POLI: variants seen among roughly 807,000 people sequenced by gnomAD.
The protein encoded by POLI is RAD30 homolog B.
A neutral mutation model predicts 51.6 loss-of-function variants in POLI; 58 were observed. The observed-to-expected ratio is 1.12, with a 90% CI of 0.91 to 1.40. The LOEUF is 1.40. Ranked by LOEUF, POLI falls within the 40% of genes most tolerant of loss-of-function variation. The probability of loss-of-function intolerance (pLI) is 0.00; values close to 1 mark genes in which losing one functional copy is unlikely to be tolerated. For missense variants in POLI, 921 were observed against 871.3 expected (o/e 1.06, Z -0.72); for synonymous variants, 322 against 299.7 (o/e 1.07, Z -0.77).
intron 7 of POLI, among the ~76,000 whole-genome samples, chr18:54,285,696 A>T (rs2087713277): frequency 6.6e-6 from 1 of 152,142 alleles, no homozygotes. Context: ...CCTTTTTCTA[A>T]TGTGTCTTAA....
chr18:54,318,162 A>G (rs576057111), intron 3 of POLI, among the ~76,000 whole-genome samples: 24 of 152,248 alleles, frequency 1.6e-4, no homozygotes, highest in African/African-American at 5.3e-4. Flanking sequence ...TTAAAAACAA[A>G]GTTGTAATAA....
Position 54,291,923 on chromosome 18 carries a change from T to C in POLI, c.1289T>C (p.Leu430Pro). 1 of 1,609,620 alleles carries C rather than the reference T, an allele frequency of 6.2e-7. No individual in the cohort carries two copies. The highest frequency in any genetic ancestry group is 8.5e-7 in the Non-Finnish European group (1 of 1,176,370). The stretch of plus-strand genomic sequence containing the variant: ...GTGAAGATGCCATTTCACCTTACCC[T>C]TCTAAGTGTGTGCTTCTGCAACCTT... ...VNVKMPFHLT[L>P]LSVCFCNLKA... The change falls in exon 9 of 10, where the codon CTT becomes CCT. Residue 430 changes from leucine to proline, a missense_variant. By Grantham distance (98) the Leu-to-Pro change is moderately conservative. Coordinates refer to ENST00000579534, the MANE Select transcript of POLI (RefSeq NM_007195.3).
Position 54,284,014 on chromosome 18 carries a change from G to T in POLI, c.1067+1G>T. On this transcript the variant is annotated splice_donor_variant, in intron 7 of 9. Coordinates refer to ENST00000579534, the MANE Select transcript of POLI (RefSeq NM_007195.3). LOFTEE classifies it high-confidence loss of function. The stretch of plus-strand genomic sequence containing the variant: ...AACTACTTGCTAGTCTTTTAAACAG[G>T]TGATTTTCAATCCATTTTGCCAAGT... 1 of 1,300,938 alleles carries T rather than the reference G, an allele frequency of 7.7e-7. No individual in the cohort carries two copies. The highest frequency in any genetic ancestry group is 2.0e-5 in the Admixed American group (1 of 49,258). 80.6% of individuals were successfully genotyped at this position (1,300,938 alleles called of 1,614,324 possible).
chr18:54,287,081 C>A (rs1273429056), intron 7 of POLI, among the ~76,000 whole-genome samples, 200 bp from the exon 8 acceptor site: 1 of 152,130 alleles, frequency 6.6e-6, no homozygotes, highest in Non-Finnish European at 1.5e-5. Context: ...GACATCTAAA[C>A]ATTCAGAGTT....
In POLI at chr18:54,297,732, T is replaced by G; in HGVS notation, c.*3265T>G. 3.1e-6 allele frequency: 3 copies of G among 971,332 alleles called. No homozygotes were observed. The highest frequency in any genetic ancestry group is 3.7e-6 in the Non-Finnish European group (3 of 817,122). The allele number at this position is 971,332 out of a possible 1,614,324, so 60.2% of individuals were successfully genotyped here. On this transcript the variant is annotated 3_prime_UTR_variant, in exon 10 of 10. Transcript: ENST00000579534. ...CCTTAAACATCTAAAAATGCTACCC[T>G]CTTTCCAAACAACACAAAGGTATTG...
rs980904096 is a variant in POLI at position 54,294,576 on chromosome 18, A to G, written c.*109A>G. On this transcript the variant is annotated 3_prime_UTR_variant, in exon 10 of 10. Transcript: ENST00000579534. ...ACTAATAGATATTCAATAACGGAGT[A>G]AACTGTTCCAGATAAAGCAAGAATA... 2.2e-6 allele frequency: 3 copies of G among 1,375,234 alleles called. No individual in the cohort carries two copies. Among genetic ancestry groups the G allele is most frequent in the Non-Finnish European group, 2.8e-6 (3 of 1,069,114 alleles). 85.2% of individuals were successfully genotyped at this position (1,375,234 alleles called of 1,614,324 possible).
At chr18:54,316,286 C>T (rs1464145371) in intron 3 of POLI, among the ~76,000 whole-genome samples, 1 of 152,102 alleles carries the variant, frequency 6.6e-6, no homozygotes, top group East Asian at 1.9e-4. Context: ...CATTTTGATC[C>T]TGTCATCATG....
Position 54,283,914 on chromosome 18 carries a change from T to C in POLI, c.976-8T>C. The C allele has an allele frequency of 9.1e-7, 1 of 1,102,154 alleles. No individual in the cohort carries two copies. Among genetic ancestry groups the C allele is most frequent in the Non-Finnish European group, 1.4e-6 (1 of 738,168 alleles). 68.3% of individuals were successfully genotyped at this position (1,102,154 alleles called of 1,614,324 possible). A position where few individuals can be genotyped will look rare whatever the true frequency, so the allele number is the denominator to read the frequency against. ...TTGTGCTAATCCTTATTTATGCTTC[T>C]TTGATAGTCCTTTAGTGAAGAAGAT... is the stretch of plus-strand genomic sequence containing the variant. On this transcript the variant is annotated splice_region_variant and splice_polypyrimidine_tract_variant and intron_variant, in intron 6 of 9. Transcript: ENST00000579534.
intron 3 of POLI, among the ~76,000 whole-genome samples, chr18:54,309,806 C>T (rs1033058966): frequency 4.6e-5 from 7 of 152,212 alleles, no homozygotes; most frequent in South Asian, 2.1e-4. Context: ...CCTCCCCCAG[C>T]GAGGCATGCC....
rs533035346 is a variant in POLI at position 54,307,845 on chromosome 18, T to A, written c.334-12428T>A. Among the ~76,000 whole-genome samples the A allele has an allele frequency of 7.2e-5, 11 of 152,288 alleles. 1 individual carries two copies. The East Asian group carries it at 1.9e-3, about 27-fold the overall frequency. On this transcript the variant is annotated intron_variant, in intron 3 of 4. Coordinates refer to the POLI transcript ENST00000579823. The stretch of plus-strand genomic sequence containing the variant: ...TCCCTTTACCATTATATAATGGCCT[T>A]GTCTCTTTTGATTTTTGTTGGTTTA...
Position 54,297,960 on chromosome 18 carries a change from A to G in POLI, c.*3493A>G. The G allele has an allele frequency of 3.1e-6, 3 of 982,362 alleles. No homozygotes were observed. The highest frequency in any genetic ancestry group is 3.6e-6 in the Non-Finnish European group (3 of 827,190). 60.9% of individuals were successfully genotyped at this position (982,362 alleles called of 1,614,324 possible). A position where few individuals can be genotyped will look rare whatever the true frequency, so the allele number is the denominator to read the frequency against. Reference sequence around the variant, plus strand: ...ATGTCCTTAGAGCTGTAGATTTAGAACTGACATCTCTTGAGCTGTTCTAAG... The same window carrying G: ...ATGTCCTTAGAGCTGTAGATTTAGAGCTGACATCTCTTGAGCTGTTCTAAG... On this transcript the variant is annotated 3_prime_UTR_variant, in exon 10 of 10. Transcript: ENST00000579534.
chr18:54,278,322 G>C (rs909767815), intron 4 of POLI, among the ~76,000 whole-genome samples: 1 of 151,314 alleles, frequency 6.6e-6, no homozygotes, highest in Non-Finnish European at 1.5e-5. Context: ...CCATACCTCT[G>C]TAGGTCATTC....
chr18:54,284,419 C>A (rs572564768), intron 7 of POLI, among the ~76,000 whole-genome samples: 1 of 152,272 alleles, frequency 6.6e-6, no homozygotes, highest in South Asian at 2.1e-4. Context: ...AAGTTAGTAC[C>A]ATGCTAAATA....
At chr18:54,292,586 T>A (rs1351940371) in intron 9 of POLI, among the ~76,000 whole-genome samples, 1 of 152,142 alleles carries the variant, frequency 6.6e-6, no homozygotes, top group Non-Finnish European at 1.5e-5. Context: ...AAAACCCTTT[T>A]ATTAATAGAC....
intron 1 of POLI, chr18:54,270,158 C>T (rs1028760863): frequency 2.6e-6 from 1 of 389,156 alleles, no homozygotes; most frequent in Admixed American, 6.4e-5. Context: ...CCGCCCACCT[C>T]AGGGCCTGGA....
downstream of POLI, among the ~76,000 whole-genome samples, chr18:54,299,926 G>A (rs959775763): frequency 6.6e-6 from 1 of 152,032 alleles, no homozygotes; most frequent in Non-Finnish European, 1.5e-5. Context: ...AATATTGGAA[G>A]CCAGAAGACA....
chr18:54,300,644 A>G (rs1408344816), downstream of POLI, among the ~76,000 whole-genome samples: 1 of 152,170 alleles, frequency 6.6e-6, no homozygotes, highest in African/African-American at 2.4e-5. Flanking sequence ...TAAATGATCT[A>G]AAAACCTCAA....
intron 8 of POLI, among the ~76,000 whole-genome samples, chr18:54,289,636 A>G (rs2087907672): frequency 6.9e-6 from 1 of 145,026 alleles, no homozygotes; most frequent in Non-Finnish European, 1.5e-5. Context: ...AGAGATACAG[A>G]ACAATGGAAC....
chr18:54,276,076 G>T (rs1045397927), intron 3 of POLI, among the ~76,000 whole-genome samples: 12 of 151,902 alleles, frequency 7.9e-5, no homozygotes, highest in Admixed American at 2.0e-4. Context: ...TACCAAGAAA[G>T]AGGTTAACTT....
Sources: gnomAD v4.1 joint callset for allele counts (sites outside exome capture counted in the v4.1 genomes callset) on GRCh38, gnomAD v4.1.1 for gene constraint, MANE v1.5 for transcripts, NCBI Gene and HGNC (gene_info 2026-07-23, HGNC 2026-07-21) for gene names.